The following KLHL18 variants were observed in gnomAD, a reference collection of about 807,000 sequenced individuals.
The protein encoded by KLHL18 is kelch like family member 18.
KLHL18 carries 38 observed loss-of-function variants against 58.5 expected under a neutral mutation model. That is an observed-to-expected ratio of 0.65 (90% CI 0.50 to 0.85). The LOEUF is 0.85. Among genes scored for constraint, KLHL18 ranks in the 40% least tolerant of loss-of-function variants. The probability of loss-of-function intolerance (pLI) is 0.00; values close to 1 mark genes in which losing one functional copy is unlikely to be tolerated. For synonymous variants in KLHL18, 303 were observed against 301.9 expected (o/e 1.00, Z -0.04); for missense variants, 624 against 778.4 (o/e 0.80, Z 2.36).
At chr3:47,324,602 G>A (rs140968734) in intron 3 of KLHL18, among the ~76,000 whole-genome samples, 206 of 152,140 alleles carry the variant, frequency 1.4e-3, no homozygotes, top group African/African-American at 4.4e-3. Flanking sequence ...GGAGGCCAAG[G>A]CAGGAGGATT....
chr3:47,323,214 G>A (rs9823599), intron 3 of KLHL18, among the ~76,000 whole-genome samples: 2,384 of 151,474 alleles, frequency 0.016, 71 homozygotes, highest in African/African-American at 0.054. Flanking sequence ...TCAGCCTCCC[G>A]AGTAGCTGGA....
intron 3 of KLHL18, among the ~76,000 whole-genome samples, chr3:47,323,605 C>CTCAA (rs1703638520): frequency 6.6e-6 from 1 of 152,196 alleles, no homozygotes; most frequent in African/African-American, 2.4e-5. Context: ...TCTCCCTCCC[C>CTCAA]CTCAAGAGCC....
intron 1 of KLHL18, among the ~76,000 whole-genome samples, chr3:47,290,473 T>C (rs1175534999): frequency 6.6e-6 from 1 of 152,184 alleles, no homozygotes; most frequent in African/African-American, 2.4e-5. Context: ...CCTCTTTTTT[T>C]TTTTCCTTGA....
At chr3:47,333,366 G>T (rs1191985217) in intron 5 of KLHL18, 49 bp downstream of exon 5, 2 of 1,565,656 alleles carry the variant, frequency 1.3e-6, no homozygotes, top group Non-Finnish European at 1.7e-6. Context: ...TCTAAGCAGG[G>T]AAGAGGAGTT....
At chr3:47,321,424 G>A (rs997112262) in intron 2 of KLHL18, among the ~76,000 whole-genome samples, 1 of 150,242 alleles carries the variant, frequency 6.7e-6, no homozygotes, top group Non-Finnish European at 1.5e-5. Flanking sequence ...TCTGTTCACT[G>A]CAACAACCTC....
chr3:47,343,481 G>T (rs1704154906), intron 9 of KLHL18, 74 bp from the exon 10 acceptor site: 1 of 1,553,618 alleles, frequency 6.4e-7, no homozygotes, highest in Non-Finnish European at 8.8e-7. Flanking sequence ...GGGCTGCTGT[G>T]CCCTGCACGG....
chr3:47,283,222 A>G, intron 1 of KLHL18, 128 bp downstream of exon 1: 1 of 417,726 alleles, frequency 2.4e-6, no homozygotes, highest in East Asian at 6.4e-5. Context: ...AGGGGGGCCG[A>G]GTAGTGGGGA....
chr3:47,286,894 C>G (rs1702687333), intron 1 of KLHL18, among the ~76,000 whole-genome samples: 1 of 152,202 alleles, frequency 6.6e-6, no homozygotes, highest in South Asian at 2.1e-4. Flanking sequence ...TTCTGTGGTG[C>G]CCTGGTTACC....
intron 1 of KLHL18, among the ~76,000 whole-genome samples, chr3:47,299,124 G>A (rs547787885): frequency 1.3e-5 from 2 of 152,262 alleles, no homozygotes; most frequent in African/African-American, 4.8e-5. Context: ...CCAGAGTAGC[G>A]ATATCATTTT....
chr3:47,324,319 T>TTTTTTTTTTTTTTTTG, intron 3 of KLHL18, among the ~76,000 whole-genome samples: 1 of 127,220 alleles, frequency 7.9e-6, no homozygotes, highest in African/African-American at 2.9e-5. Context: ...TTTTTTTTTT[T>TTTTTTTTTTTTTTTTG]TTTTTCTGTA....
intron 2 of KLHL18, among the ~76,000 whole-genome samples, chr3:47,322,047 C>T (rs926171127): frequency 6.6e-6 from 1 of 151,900 alleles, no homozygotes; most frequent in Non-Finnish European, 1.5e-5. Flanking sequence ...GAATTGAAAG[C>T]AGAAAAAATG....
intron 5 of KLHL18, among the ~76,000 whole-genome samples, chr3:47,333,829 T>C (rs1427304765): frequency 2.0e-5 from 3 of 152,196 alleles, no homozygotes; most frequent in Non-Finnish European, 4.4e-5. Context: ...AGCAAATCAA[T>C]GACAACATGG....
intron 1 of KLHL18, among the ~76,000 whole-genome samples, chr3:47,290,007 A>G (rs573833142): frequency 6.6e-6 from 1 of 152,352 alleles, no homozygotes; most frequent in South Asian, 2.1e-4. Context: ...CCCTAAATTT[A>G]TACAAATAAA....
At position 47,346,194 on chromosome 3, in the gene KLHL18, G is replaced by C. The variant is rs1311999238; in HGVS notation, c.*2253G>C. Reference sequence around the variant, plus strand: ...GATACTGGCCCAGATTTTGCCACTGGGTATGGCAGATCATTTTCTACCATG... The same window carrying C: ...GATACTGGCCCAGATTTTGCCACTGCGTATGGCAGATCATTTTCTACCATG... On this transcript the variant is annotated 3_prime_UTR_variant, in exon 10 of 10. Transcript: ENST00000232766. The C allele has an allele frequency of 6.6e-6, 1 of 152,618 alleles. No individual in the cohort carries two copies. Among genetic ancestry groups the C allele is most frequent in the Non-Finnish European group, 1.5e-5 (1 of 68,032 alleles). The allele number at this position is 152,618 out of a possible 1,614,324, so 9.5% of individuals were successfully genotyped here. A position where few individuals can be genotyped will look rare whatever the true frequency, so the allele number is the denominator to read the frequency against.
chr3:47,284,907 C>T (rs1702641206), intron 1 of KLHL18, among the ~76,000 whole-genome samples: 1 of 152,124 alleles, frequency 6.6e-6, no homozygotes, highest in South Asian at 2.1e-4. Context: ...CAACCTCCAC[C>T]TCCTGGCTTC....
In KLHL18 at chr3:47,308,178, A is replaced by G. The variant is rs553514752; in HGVS notation, c.130-11475A>G. Among the ~76,000 whole-genome samples the G allele has an allele frequency of 2.7e-5, 4 of 150,674 alleles. No individual in the cohort carries two copies. In the South Asian group the frequency reaches 8.4e-4, roughly 32 times the overall value. The stretch of plus-strand genomic sequence containing the variant: ...CTTAGTCTTAACCCCACTGATCCCA[A>G]GGGCATTCTTTCCATGCAGTCTGGG... On this transcript the variant is annotated intron_variant, in intron 1 of 9. Transcript: ENST00000232766.
chr3:47,324,201 C>T (rs577821299), intron 3 of KLHL18, among the ~76,000 whole-genome samples: 1 of 151,170 alleles, frequency 6.6e-6, no homozygotes, highest in East Asian at 1.9e-4. Context: ...ATCTTTCCTG[C>T]TCGTTTGTGA....
At chr3:47,312,064 TGTTGTACATATCTAG>T (rs1378670455) in intron 1 of KLHL18, among the ~76,000 whole-genome samples, 1 of 151,608 alleles carries the variant, frequency 6.6e-6, no homozygotes, top group Non-Finnish European at 1.5e-5. Flanking sequence ...AATTCGGAGG[TGTTGTACATATCTAG>T]GAAGTCCCAT....
chr3:47,293,638 T>C (rs1001088963), intron 1 of KLHL18, among the ~76,000 whole-genome samples: 15 of 152,236 alleles, frequency 9.9e-5, no homozygotes, highest in Non-Finnish European at 1.8e-4. Context: ...TCGTGTAACC[T>C]TGACAGAGCT....
Sources: allele counts gnomAD v4.1 joint callset (sites outside exome capture counted in the v4.1 genomes callset), GRCh38; gene constraint gnomAD v4.1.1; transcripts MANE v1.5; gene names NCBI Gene and HGNC (gene_info 2026-07-23, HGNC 2026-07-21).